Variants in LCLAT1 observed in about 807,000 individuals in gnomAD.
The protein encoded by LCLAT1 is 1-AGP acyltransferase 8.
A neutral mutation model predicts 30.7 loss-of-function variants in LCLAT1; 11 were observed. That is an observed-to-expected ratio of 0.36 (90% CI 0.23 to 0.59). The LOEUF (loss-of-function observed/expected upper bound fraction) is 0.59. LCLAT1 is among the 20% of genes least tolerant of loss of function. The probability of loss-of-function intolerance (pLI) is 0.77; values close to 1 mark genes in which losing one functional copy is unlikely to be tolerated. For synonymous variants in LCLAT1, 155 were observed against 151.3 expected, an observed-to-expected ratio of 1.02 and a Z score of -0.18; for missense variants, 402 against 458.6, an observed-to-expected ratio of 0.88 and a Z score of 1.13.
At chr2:30,618,091 T>A (rs921008443) in intron 5 of LCLAT1, among the ~76,000 whole-genome samples, 5 of 152,194 alleles carry the variant, frequency 3.3e-5, no homozygotes. Context: ...TGTGTTCATC[T>A]GTTTCTAGAC....
intron 1 of LCLAT1, among the ~76,000 whole-genome samples, chr2:30,463,305 C>T (rs1349988860): frequency 6.6e-6 from 1 of 151,932 alleles, no homozygotes; most frequent in Non-Finnish European, 1.5e-5. Context: ...AGGATTTTCC[C>T]ATGTCATAAG....
chr2:30,542,636 C>T (rs1664195986), intron 3 of LCLAT1, among the ~76,000 whole-genome samples: 1 of 151,872 alleles, frequency 6.6e-6, no homozygotes. Context: ...TCAAAAATTC[C>T]TCAGGATTTT....
chr2:30,470,623 AT>A (rs1682731438), intron 1 of LCLAT1, among the ~76,000 whole-genome samples: 1 of 152,162 alleles, frequency 6.6e-6, no homozygotes. Flanking sequence ...CACTGTTATA[AT>A]TTTGCAAAGG....
chr2:30,503,225 C>A (rs898690622), intron 1 of LCLAT1, among the ~76,000 whole-genome samples: 3 of 152,110 alleles, frequency 2.0e-5, no homozygotes, highest in African/African-American at 7.2e-5. Context: ...GCTTTCCTTG[C>A]CATCTTTAGA....
chr2:30,496,820 T>C (rs1248336024), intron 1 of LCLAT1, among the ~76,000 whole-genome samples: 2 of 152,202 alleles, frequency 1.3e-5, no homozygotes, highest in African/African-American at 4.8e-5. Context: ...CCATATACAC[T>C]GTGCTTTCTT....
In LCLAT1 at chr2:30,568,185, C is replaced by A; in HGVS notation, c.628+9C>A. On this transcript the variant is annotated intron_variant, in intron 5 of 5. Transcript: ENST00000379509. ...AGACCGTCTAAGAGAAGGTAAGCAC[C>A]CATTTCAAAATGTACTTTTTAATAA... The A allele has an allele frequency of 2.1e-6, 3 of 1,459,142 alleles. No homozygotes were observed. Among genetic ancestry groups the A allele is most frequent in the South Asian group, 1.2e-5 (1 of 80,880 alleles). The allele number at this position is 1,459,142 out of a possible 1,614,324, so 90.4% of individuals were successfully genotyped here.
At chr2:30,612,505 C>A (rs1315577007) in intron 5 of LCLAT1, among the ~76,000 whole-genome samples, 13 of 152,158 alleles carry the variant, frequency 8.5e-5, no homozygotes, top group Admixed American at 8.5e-4. Context: ...ACCTTGACTT[C>A]CCAGTATATC....
chr2:30,469,071 C>G (rs1682629733), intron 1 of LCLAT1, among the ~76,000 whole-genome samples: 1 of 152,142 alleles, frequency 6.6e-6, no homozygotes, highest in South Asian at 2.1e-4. Context: ...AATATCTATT[C>G]AAGTCCTTTA....
At chr2:30,578,487 C>A (rs748511830) in intron 5 of LCLAT1, among the ~76,000 whole-genome samples, 31 of 152,078 alleles carry the variant, frequency 2.0e-4, no homozygotes, top group Non-Finnish European at 5.9e-5. Context: ...TAAGGCAAAA[C>A]GGTCTTTCCT....
chr2:30,558,769 A>G (rs1665058825), intron 3 of LCLAT1, among the ~76,000 whole-genome samples: 1 of 152,136 alleles, frequency 6.6e-6, no homozygotes, highest in African/African-American at 2.4e-5. Flanking sequence ...GGGAGTGGCA[A>G]TTGGTATAAT....
At chr2:30,598,303 C>T (rs933414467) in intron 5 of LCLAT1, among the ~76,000 whole-genome samples, 9 of 151,992 alleles carry the variant, frequency 5.9e-5, no homozygotes, top group African/African-American at 2.2e-4. Context: ...TTATTTATTA[C>T]TGCCTCAATT....
intron 1 of LCLAT1, among the ~76,000 whole-genome samples, chr2:30,496,107 A>G (rs1034856545): frequency 1.3e-5 from 2 of 152,120 alleles, no homozygotes; most frequent in Non-Finnish European, 2.9e-5. Flanking sequence ...CAGGAGGAAG[A>G]GAAAGGGGGA....
intron 1 of LCLAT1, among the ~76,000 whole-genome samples, chr2:30,494,623 T>C (rs1572523500): frequency 6.6e-6 from 1 of 151,906 alleles, no homozygotes; most frequent in East Asian, 1.9e-4. Flanking sequence ...TGCATACATG[T>C]ATGTAAGTGT....
chr2:30,478,585 G>A (rs1039785196), intron 1 of LCLAT1, among the ~76,000 whole-genome samples: 2 of 152,124 alleles, frequency 1.3e-5, no homozygotes, highest in Non-Finnish European at 2.9e-5. Context: ...GGCTGAGACG[G>A]GAGGATCACT....
chr2:30,587,475 G>A (rs569354125), intron 5 of LCLAT1, among the ~76,000 whole-genome samples: 4 of 152,262 alleles, frequency 2.6e-5, no homozygotes, highest in Admixed American at 6.5e-5. Flanking sequence ...AGACATGAGC[G>A]CTACTGAATT....
At chr2:30,484,045 A>G (rs1683447726) in intron 1 of LCLAT1, among the ~76,000 whole-genome samples, 1 of 152,204 alleles carries the variant, frequency 6.6e-6, no homozygotes. Flanking sequence ...GCTTCAGAGC[A>G]GTCACCTTAG....
intron 5 of LCLAT1, among the ~76,000 whole-genome samples, chr2:30,612,118 A>G (rs1427874745): frequency 1.3e-5 from 2 of 152,166 alleles, no homozygotes; most frequent in Non-Finnish European, 2.9e-5. Context: ...TTAGGAAACA[A>G]GTACTTCTAC....
At chr2:30,517,414 G>T (rs188711550) in intron 1 of LCLAT1, among the ~76,000 whole-genome samples, 10 of 152,208 alleles carry the variant, frequency 6.6e-5, no homozygotes, top group African/African-American at 2.2e-4. Flanking sequence ...TTTGTAAATG[G>T]CTAGGAGGAT....
intron 1 of LCLAT1, among the ~76,000 whole-genome samples, chr2:30,508,726 G>T (rs1311197500): frequency 3.9e-5 from 6 of 152,070 alleles, no homozygotes; most frequent in African/African-American, 1.4e-4. Flanking sequence ...GATTGCCTAA[G>T]CAAAAAGTGA....
Sources: allele counts gnomAD v4.1 joint callset (sites outside exome capture counted in the v4.1 genomes callset), GRCh38; gene constraint gnomAD v4.1.1; transcripts MANE v1.5; gene names NCBI Gene and HGNC (gene_info 2026-07-23, HGNC 2026-07-21).